The following ARPC2 variants were observed in gnomAD, a reference collection of about 807,000 sequenced individuals.
ARPC2 encodes the protein actin related protein 2/3 complex subunit 2.
A neutral mutation model predicts 38.6 loss-of-function variants in ARPC2; 4 were observed. That is an observed-to-expected ratio of 0.10 (90% CI 0.05 to 0.24). The LOEUF (loss-of-function observed/expected upper bound fraction) is 0.24, where lower values mean the gene tolerates loss of function less well. Ranked by LOEUF, ARPC2 falls within the 10% of genes least tolerant of loss-of-function variation. ARPC2 has a pLI of 1.00. For missense variants in ARPC2, 229 were observed against 387.3 expected (o/e 0.59, Z 3.43); for synonymous variants, 125 against 140.8 (o/e 0.89, Z 0.79).
chr2:218,228,922 G>C, intron 4 of ARPC2, 72 bp downstream of exon 4: 3 of 1,013,390 alleles, frequency 3.0e-6, no homozygotes, highest in Non-Finnish European at 4.6e-6. Flanking sequence ...ATTCATGGAA[G>C]ATCCATGGCA....
chr2:218,249,789 T>C (rs1352896057), intron 9 of ARPC2, 32 bp from the exon 10 acceptor site: 4 of 1,580,398 alleles, frequency 2.5e-6, no homozygotes, highest in Admixed American at 3.4e-5. Flanking sequence ...AGACCATGAC[T>C]GTGCTTTAGT....
Position 218,228,798 on chromosome 2 carries a change from T to G in ARPC2, c.170T>G (p.Val57Gly). Residue 57 changes from valine to glycine, a missense_variant, in exon 4 of 11, where the codon GTC becomes GGC. Val to Gly is a moderately radical substitution (Grantham distance 109). Transcript: ENST00000315717. ...AATGGAGACAAAACAAAAGTGATGG[T>G]CAGTATTTCTTTGAAATTCTACAAG... ...NPNGDKTKVM[V>G]SISLKFYKEL... 6.2e-7 allele frequency: 1 copy of G among 1,611,724 alleles called. No individual in the cohort carries two copies. The highest frequency in any genetic ancestry group is 1.3e-5 in the African/African-American group (1 of 75,010).
intron 10 of ARPC2, among the ~76,000 whole-genome samples, chr2:218,251,075 G>A (rs10171347): frequency 0.91 from 138,497 of 152,104 alleles, 64,344 homozygotes; most frequent in East Asian, 1. Flanking sequence ...AGCTCAGGCA[G>A]TCCACCCACC....
chr2:218,238,280 A>G (rs1406909215), intron 5 of ARPC2, among the ~76,000 whole-genome samples: 1 of 152,134 alleles, frequency 6.6e-6, no homozygotes, highest in Admixed American at 6.5e-5. Context: ...GCTCCTTTAC[A>G]ACTGTGTCTA....
chr2:218,249,871 G>A lies in ARPC2; in HGVS notation c.828G>A (p.Val276=), dbSNP rs371646464. Residue 276 remains valine, a synonymous_variant, in exon 10 of 11, where the codon GTG becomes GTA. Coordinates refer to ENST00000315717, the MANE Select transcript of ARPC2 (RefSeq NM_152862.3). ...CGAAAACGTCTGACTTCCTCAAGGT[G>A]CTGAACCGCGCACGCCCAGATGCCG... The part of the protein sequence containing the change: ...MRAKTSDFLK[V]LNRARPDAEK... 2.5e-6 allele frequency: 4 copies of A among 1,613,882 alleles called. No homozygotes were observed. The African/African-American group carries it at 5.3e-5, about 22-fold the overall frequency.
At chr2:218,232,809 C>G (rs766620049) in intron 4 of ARPC2, among the ~76,000 whole-genome samples, 1 of 152,010 alleles carries the variant, frequency 6.6e-6, no homozygotes, top group Non-Finnish European at 1.5e-5. Flanking sequence ...ATCTCCTGAC[C>G]TCGTGATCAC....
chr2:218,244,810 T>A (rs1029305779), intron 7 of ARPC2, among the ~76,000 whole-genome samples: 4 of 152,244 alleles, frequency 2.6e-5, no homozygotes, highest in Non-Finnish European at 4.4e-5. Context: ...CTTGATGAAT[T>A]TGGATTATCC....
intron 1 of ARPC2, 46 bp downstream of exon 1, chr2:218,217,300 A>C: frequency 3.2e-6 from 2 of 627,688 alleles, no homozygotes; most frequent in Non-Finnish European, 2.8e-6. Context: ...TGCGTGGGCC[A>C]GCGCGTTCGT....
chr2:218,251,651 C>T (rs1227883255), intron 10 of ARPC2, among the ~76,000 whole-genome samples: 1 of 151,984 alleles, frequency 6.6e-6, no homozygotes, highest in East Asian at 1.9e-4. Flanking sequence ...CGGGATTTCA[C>T]CATGTTGTCC....
intron 10 of ARPC2, among the ~76,000 whole-genome samples, chr2:218,250,498 C>T (rs76779132): frequency 0.025 from 3,832 of 152,036 alleles, 138 homozygotes; most frequent in African/African-American, 0.086. Flanking sequence ...CCCATCTTTA[C>T]TAAAAATACA....
chr2:218,223,936 T>G (rs369093301), intron 2 of ARPC2, among the ~76,000 whole-genome samples: 64 of 152,306 alleles, frequency 4.2e-4, no homozygotes, highest in African/African-American at 1.4e-3. Flanking sequence ...GATGGTATAC[T>G]TCACGCTCAG....
In ARPC2 at chr2:218,228,827, C is replaced by T; in HGVS notation, c.199C>T (p.Leu67Phe). ...TATTTCTTTGAAATTCTACAAGGAA[C>T]TTCAGGCACATGGTGCTGATGAGGT... ...VSISLKFYKE[L>F]QAHGADELLK... is the part of the protein sequence containing the mutation. Residue 67 changes from leucine (L) to phenylalanine (F), a missense_variant, in exon 4 of 11, where the codon CTT (leucine) becomes TTT (phenylalanine). Coordinates refer to ENST00000315717, the MANE Select transcript of ARPC2 (RefSeq NM_152862.3). 6.2e-7 allele frequency: 1 copy of T among 1,603,612 alleles called. No individual in the cohort carries two copies. Among genetic ancestry groups the T allele is most frequent in the African/African-American group, 1.3e-5 (1 of 74,854 alleles).
At chr2:218,229,842 G>T (rs1285334644) in intron 4 of ARPC2, among the ~76,000 whole-genome samples, 1 of 152,158 alleles carries the variant, frequency 6.6e-6, no homozygotes, top group African/African-American at 2.4e-5. Context: ...ACTGGAAAAA[G>T]AAAAGCTTCA....
chr2:218,249,659 A>G (rs1690133284), intron 9 of ARPC2, 162 bp from the exon 10 acceptor site: 1 of 778,988 alleles, frequency 1.3e-6, no homozygotes, highest in East Asian at 2.7e-5. Context: ...AGAGATGAAT[A>G]TTTGTTTCCA....
Position 218,229,483 on chromosome 2 carries a change from G to A in ARPC2, c.222+633G>A, listed in dbSNP as rs138396853. Among the ~76,000 whole-genome samples, 714 of 152,348 alleles carry A rather than the reference G, an allele frequency of 4.7e-3. 20 individuals are homozygous for A. The highest frequency in any genetic ancestry group is 0.031 in the Admixed American group (479 of 15,300). On this transcript the variant is annotated intron_variant, in intron 4 of 10. Coordinates refer to ENST00000315717, the MANE Select transcript of ARPC2 (RefSeq NM_152862.3). ...AATGCTATTACACCAGTTTGTGCAC[G>A]CTGTGGTTGGGTCTCAAAGCAGGAA...
chr2:218,236,004 C>A (rs1452874418), intron 5 of ARPC2: 1 of 151,808 alleles, frequency 6.6e-6, no homozygotes, highest in Non-Finnish European at 1.5e-5. Flanking sequence ...GCACGAGAAT[C>A]GCTTGAACCC....
intron 3 of ARPC2, among the ~76,000 whole-genome samples, chr2:218,227,844 G>A (rs907737551): frequency 4.6e-5 from 7 of 151,988 alleles, no homozygotes; most frequent in East Asian, 1.9e-4. Context: ...CACCCACCTC[G>A]GCCTCCCAAA....
chr2:218,219,789 A>C (rs1207585421), intron 2 of ARPC2, among the ~76,000 whole-genome samples: 2 of 152,088 alleles, frequency 1.3e-5, no homozygotes, highest in Non-Finnish European at 2.9e-5. Flanking sequence ...TGTGGTTTTC[A>C]ATAAGCAGGC....
chr2:218,231,540 A>C (rs1689633710), intron 4 of ARPC2, among the ~76,000 whole-genome samples: 1 of 152,118 alleles, frequency 6.6e-6, no homozygotes, highest in Non-Finnish European at 1.5e-5. Flanking sequence ...TTCTTGGGAT[A>C]TGCATGTTAC....
Sources: gnomAD v4.1 joint callset for allele counts (sites outside exome capture counted in the v4.1 genomes callset) on GRCh38, gnomAD v4.1.1 for gene constraint, MANE v1.5 for transcripts, NCBI Gene and HGNC (gene_info 2026-07-23, HGNC 2026-07-21) for gene names.